The following GFRA2 variants were observed in gnomAD, a reference collection of about 807,000 sequenced individuals.
GFRA2 encodes the protein GDNF family receptor alpha-2.
In GFRA2, 17 loss-of-function variants were observed where a neutral mutation model predicts 48.3. That is an observed-to-expected ratio of 0.35 (90% CI 0.24 to 0.53). GFRA2 has a LOEUF of 0.53. Ranked by LOEUF, GFRA2 falls within the 20% of genes least tolerant of loss-of-function variation. GFRA2 has a pLI of 0.93. For synonymous variants in GFRA2, 305 were observed against 257.2 expected (o/e 1.19, Z -1.78); for missense variants, 660 against 637.3 (o/e 1.04, Z -0.38).
intron 4 of GFRA2, among the ~76,000 whole-genome samples, chr8:21,718,243 AG>A (rs1413069408): frequency 6.6e-6 from 1 of 152,184 alleles, no homozygotes; most frequent in Non-Finnish European, 1.5e-5. Context: ...GGTTATTATT[AG>A]GGGCAGTTTT....
At chr8:21,734,294 A>G (rs1466796703) in intron 4 of GFRA2, among the ~76,000 whole-genome samples, 1 of 152,210 alleles carries the variant, frequency 6.6e-6, no homozygotes, top group Non-Finnish European at 1.5e-5. Context: ...TAGAAGCCAG[A>G]AGCCACTGCC....
chr8:21,788,103 C>T lies in GFRA2; in HGVS notation c.40+17G>A, dbSNP rs935167576. ...CTTCTCGCCTCCCCCTCGAGCTCGC[C>T]GCCCGCAGGTACTCACCTAGAAAGA... On this transcript the variant is annotated intron_variant, in intron 1 of 8. Coordinates refer to ENST00000524240, the MANE Select transcript of GFRA2 (RefSeq NM_001495.5). The T allele has an allele frequency of 4.0e-6, 6 of 1,495,426 alleles. No individual in the cohort carries two copies. Among genetic ancestry groups the T allele is most frequent in the African/African-American group, 2.9e-5 (2 of 69,712 alleles). The allele number at this position is 1,495,426 out of a possible 1,614,324, so 92.6% of individuals were successfully genotyped here.
At chr8:21,804,738 A>T (rs1180604816) in intron 2 of GFRA2, among the ~76,000 whole-genome samples, 1 of 152,202 alleles carries the variant, frequency 6.6e-6, no homozygotes, top group East Asian at 1.9e-4. Flanking sequence ...CCATTGTGTC[A>T]TGAGTGTTAT....
Position 21,769,850 on chromosome 8 carries a change from G to C in GFRA2, c.439+5122C>G, listed in dbSNP as rs918827791. Among the ~76,000 whole-genome samples, 266 of 152,292 alleles carry C rather than the reference G, an allele frequency of 1.7e-3. 1 individual carries two copies. Among genetic ancestry groups the C allele is most frequent in the East Asian group, 8.3e-3 (43 of 5,184 alleles). ...GGCTTCTTGGCAAGGGGTAGCGTTTGAGTGCTATTTCCCTCCTCTCCTGAG... is the reference window on the plus strand; with the variant it reads ...GGCTTCTTGGCAAGGGGTAGCGTTTCAGTGCTATTTCCCTCCTCTCCTGAG... On this transcript the variant is annotated intron_variant, in intron 3 of 8. Coordinates refer to ENST00000524240, the MANE Select transcript of GFRA2 (RefSeq NM_001495.5).
At chr8:21,801,597 T>C (rs1807771503) in intron 2 of GFRA2, among the ~76,000 whole-genome samples, 1 of 133,666 alleles carries the variant, frequency 7.5e-6, no homozygotes, top group East Asian at 2.5e-4. Context: ...GAGAGCCTTC[T>C]TTCCTGCTTC....
chr8:21,749,755 G>C (rs1042329863), intron 4 of GFRA2, among the ~76,000 whole-genome samples: 1 of 151,136 alleles, frequency 6.6e-6, no homozygotes, highest in Non-Finnish European at 1.5e-5. Flanking sequence ...ATGGGTCCTG[G>C]AGTCGGACGG....
chr8:21,731,631 C>T (rs937484242), intron 4 of GFRA2, among the ~76,000 whole-genome samples: 3 of 152,050 alleles, frequency 2.0e-5, no homozygotes, highest in Admixed American at 1.3e-4. Context: ...ATCCTTTGTG[C>T]GCCCCCATTA....
intron 3 of GFRA2, among the ~76,000 whole-genome samples, chr8:21,753,721 TAAAC>T (rs914841967): frequency 6.6e-6 from 1 of 152,264 alleles, no homozygotes; most frequent in African/African-American, 2.4e-5. Flanking sequence ...TCTATGATGT[TAAAC>T]AAATGTAGTA....
intron 3 of GFRA2, among the ~76,000 whole-genome samples, chr8:21,770,547 G>T (rs2117689159): frequency 6.6e-6 from 1 of 152,222 alleles, no homozygotes; most frequent in South Asian, 2.1e-4. Flanking sequence ...GAAGGAGTGG[G>T]CCTCCATGAT....
chr8:21,781,758 T>C (rs1407666994), intron 2 of GFRA2, among the ~76,000 whole-genome samples: 2 of 152,122 alleles, frequency 1.3e-5, no homozygotes, highest in Non-Finnish European at 2.9e-5. Flanking sequence ...TCAATAAACA[T>C]GCATTCAATT....
intron 4 of GFRA2, among the ~76,000 whole-genome samples, chr8:21,733,855 C>T (rs1162571462): frequency 2.0e-5 from 3 of 152,266 alleles, no homozygotes; most frequent in Middle Eastern, 3.4e-3. Context: ...GAGACTCCTC[C>T]GCTGAGGTCC....
At chr8:21,762,462 T>C (rs1408775716) in intron 3 of GFRA2, among the ~76,000 whole-genome samples, 1 of 152,172 alleles carries the variant, frequency 6.6e-6, no homozygotes, top group African/African-American at 2.4e-5. Context: ...CAACTTTCTT[T>C]CTGAACTTTC....
At chr8:21,712,419 CAG>C (rs1315163927) in intron 4 of GFRA2, among the ~76,000 whole-genome samples, 1 of 151,758 alleles carries the variant, frequency 6.6e-6, no homozygotes, top group Non-Finnish European at 1.5e-5. Context: ...GGCGGCCGGG[CAG>C]AGACGCTCCT....
In GFRA2 at chr8:21,691,291, C is replaced by G. The variant is rs541842936; in HGVS notation, c.*1987G>C. On this transcript the variant is annotated 3_prime_UTR_variant, in exon 9 of 9. Transcript: ENST00000524240. The stretch of plus-strand genomic sequence containing the variant: ...GCGAGCCTGCACACGACCGCACACA[C>G]ATGTACACATGCTCACATACATGGA... The G allele has an allele frequency of 3.3e-5, 5 of 152,268 alleles. No individual in the cohort carries two copies. Among genetic ancestry groups the G allele is most frequent in the Non-Finnish European group, 7.3e-5 (5 of 68,076 alleles). 9.4% of individuals were successfully genotyped at this position (152,268 alleles called of 1,614,324 possible).
chr8:21,727,092 C>T (rs150832526), intron 4 of GFRA2, among the ~76,000 whole-genome samples: 175 of 152,264 alleles, frequency 1.1e-3, no homozygotes, highest in African/African-American at 3.9e-3. Context: ...TCTGAAGTTC[C>T]GGGTGGACAT....
At chr8:21,776,870 A>C (rs1048052892) in intron 2 of GFRA2, among the ~76,000 whole-genome samples, 17 of 151,996 alleles carry the variant, frequency 1.1e-4, no homozygotes, top group African/African-American at 3.9e-4. Context: ...CACCCCACCT[A>C]CTGGCACTTT....
intron 2 of GFRA2, among the ~76,000 whole-genome samples, chr8:21,804,046 G>A (rs1385773189): frequency 1.3e-5 from 2 of 152,118 alleles, no homozygotes; most frequent in Non-Finnish European, 2.9e-5. Flanking sequence ...TAAAGAACAA[G>A]TCAAAGGTTC....
chr8:21,775,989 C>CTG (rs200687629), intron 2 of GFRA2, among the ~76,000 whole-genome samples: 4,423 of 126,370 alleles, frequency 0.035, 75 homozygotes, highest in Non-Finnish European at 0.043. Context: ...CACTCATCCT[C>CTG]TGTGTGTGTG....
At chr8:21,803,501 G>C (rs1283267440) in intron 2 of GFRA2, among the ~76,000 whole-genome samples, 1 of 152,100 alleles carries the variant, frequency 6.6e-6, no homozygotes, top group African/African-American at 2.4e-5. Context: ...AGCAATTCCT[G>C]GGCTACAGGA....
Sources: gnomAD v4.1 joint callset for allele counts (sites outside exome capture counted in the v4.1 genomes callset) on GRCh38, gnomAD v4.1.1 for gene constraint, MANE v1.5 for transcripts, NCBI Gene and HGNC (gene_info 2026-07-23, HGNC 2026-07-21) for gene names.